The following CCSER1 variants were observed in gnomAD, a reference collection of about 807,000 sequenced individuals.
CCSER1 encodes coiled-coil serine rich protein 1.
A neutral mutation model predicts 82.0 loss-of-function variants in CCSER1; 41 were observed. That is an observed-to-expected ratio of 0.50 (90% CI 0.39 to 0.65). The LOEUF is 0.65. Among genes scored for constraint, CCSER1 ranks in the 30% least tolerant of loss-of-function variants. The probability of loss-of-function intolerance (pLI) is 0.00; values close to 1 mark genes in which losing one functional copy is unlikely to be tolerated. For missense variants in CCSER1, 1,119 were observed against 1,064.2 expected (o/e 1.05, Z -0.72); for synonymous variants, 414 against 383.9 (o/e 1.08, Z -0.92).
chr4:90,543,615 A>C (rs1776375778), intron 5 of CCSER1, among the ~76,000 whole-genome samples: 1 of 152,174 alleles, frequency 6.6e-6, no homozygotes, highest in South Asian at 2.1e-4. Context: ...CCATTGCAGC[A>C]GAGCTGAGGA....
chr4:90,451,959 A>G (rs975938874), intron 4 of CCSER1, among the ~76,000 whole-genome samples: 1 of 152,172 alleles, frequency 6.6e-6, no homozygotes, highest in African/African-American at 2.4e-5. Flanking sequence ...AGATAGTAGC[A>G]TAGACATGGA....
rs1169826777 is a variant in CCSER1, at chr4:90,895,420, A to C, written c.2095-27950A>C. Among the ~76,000 whole-genome samples the C allele has an allele frequency of 5.9e-5, 9 of 152,098 alleles. No individual in the cohort carries two copies. The East Asian group carries it at 1.7e-3, about 29-fold the overall frequency. On this transcript the variant is annotated intron_variant, in intron 8 of 10. Transcript: ENST00000509176. ...AACTTCTGTATTAAAATTGTTTACA[A>C]GAGATTGGTAACATTAGACAACTCA...
chr4:91,572,032 C>T (rs893767044), intron 10 of CCSER1, among the ~76,000 whole-genome samples: 12 of 152,060 alleles, frequency 7.9e-5, no homozygotes, highest in Admixed American at 6.6e-5. Context: ...TTCAATTGCC[C>T]GTTAAGGCTC....
intron 10 of CCSER1, among the ~76,000 whole-genome samples, chr4:91,351,728 A>G (rs1384775180): frequency 6.6e-6 from 1 of 152,148 alleles, no homozygotes; most frequent in African/African-American, 2.4e-5. Flanking sequence ...GCAGAAAACT[A>G]TTTTAAATTA....
At chr4:91,285,058 A>G (rs989880117) in intron 10 of CCSER1, among the ~76,000 whole-genome samples, 1 of 152,038 alleles carries the variant, frequency 6.6e-6, no homozygotes, top group African/African-American at 2.4e-5. Context: ...GGGTTTAGAT[A>G]TATTAAAACT....
chr4:90,733,115 G>A lies in CCSER1; in HGVS notation c.2010+9124G>A, dbSNP rs143756370. ...TCGTGAGGAACCTCCAAGTTGTACT[G>A]CATAGTAATTGTACAAATTTACATT... On this transcript the variant is annotated intron_variant, in intron 7 of 10. Coordinates refer to ENST00000509176, the MANE Select transcript of CCSER1 (RefSeq NM_001145065.2). Among the ~76,000 whole-genome samples the A allele has an allele frequency of 4.5e-3, 692 of 152,220 alleles. 7 individuals carry two copies. Among genetic ancestry groups the A allele is most frequent in the African/African-American group, 0.016 (660 of 41,556 alleles).
At chr4:90,891,316 A>G (rs1043837847) in intron 8 of CCSER1, among the ~76,000 whole-genome samples, 4 of 151,728 alleles carry the variant, frequency 2.6e-5, no homozygotes, top group African/African-American at 9.7e-5. Flanking sequence ...ATATATTTAT[A>G]TAATGTCAAT....
intron 4 of CCSER1, among the ~76,000 whole-genome samples, chr4:90,440,376 C>G (rs2153572233): frequency 6.6e-6 from 1 of 152,258 alleles, no homozygotes; most frequent in Non-Finnish European, 1.5e-5. Context: ...CAAAGAGAGA[C>G]TCTCTAAAAG....
chr4:91,478,892 T>C (rs1757735840), intron 10 of CCSER1, among the ~76,000 whole-genome samples: 1 of 151,870 alleles, frequency 6.6e-6, no homozygotes. Flanking sequence ...AGATTTTTAA[T>C]TTACTCTGTA....
At chr4:90,651,466 A>G (rs1233006512) in intron 6 of CCSER1, among the ~76,000 whole-genome samples, 1 of 152,070 alleles carries the variant, frequency 6.6e-6, no homozygotes, top group Non-Finnish European at 1.5e-5. Flanking sequence ...ACACGTTCTC[A>G]CTCATAAGTA....
chr4:90,992,027 G>A (rs1237754354), intron 9 of CCSER1, among the ~76,000 whole-genome samples: 1 of 151,992 alleles, frequency 6.6e-6, no homozygotes, highest in African/African-American at 2.4e-5. Context: ...TCATCTTAAA[G>A]CTTTTCTTAT....
chr4:90,148,426 A>G (rs1273370637), intron 1 of CCSER1, among the ~76,000 whole-genome samples: 1 of 152,168 alleles, frequency 6.6e-6, no homozygotes, highest in African/African-American at 2.4e-5. Context: ...CATTGTTAGT[A>G]TACTTGGATT....
intron 6 of CCSER1, among the ~76,000 whole-genome samples, chr4:90,720,131 T>C (rs1427438011): frequency 6.6e-6 from 1 of 152,144 alleles, no homozygotes; most frequent in Non-Finnish European, 1.5e-5. Context: ...TTGTTCTTTG[T>C]CTCTTTGGCA....
intron 5 of CCSER1, among the ~76,000 whole-genome samples, chr4:90,580,774 T>C (rs1009820884): frequency 6.6e-6 from 1 of 152,200 alleles, no homozygotes; most frequent in Non-Finnish European, 1.5e-5. Flanking sequence ...CTCTTTACAT[T>C]TCTTGTTCTT....
intron 4 of CCSER1, among the ~76,000 whole-genome samples, chr4:90,438,946 A>G (rs1286665333): frequency 1.3e-5 from 2 of 152,152 alleles, no homozygotes; most frequent in Non-Finnish European, 2.9e-5. Flanking sequence ...AGCACTTTTT[A>G]TACTATTTGT....
intron 1 of CCSER1, among the ~76,000 whole-genome samples, chr4:90,213,687 T>C (rs1740467833): frequency 6.6e-6 from 1 of 152,178 alleles, no homozygotes; most frequent in South Asian, 2.1e-4. Flanking sequence ...GAGTTTGTTG[T>C]ACTCGACGCC....
intron 8 of CCSER1, among the ~76,000 whole-genome samples, chr4:90,919,976 T>C (rs1481500928): frequency 6.6e-6 from 1 of 151,976 alleles, no homozygotes; most frequent in African/African-American, 2.4e-5. Flanking sequence ...GACAATTAGG[T>C]ATTTTGTCAG....
At chr4:90,654,486 A>C (rs1274477087) in intron 6 of CCSER1, among the ~76,000 whole-genome samples, 1 of 152,104 alleles carries the variant, frequency 6.6e-6, no homozygotes, top group Non-Finnish European at 1.5e-5. Flanking sequence ...ATAAATGTTA[A>C]ACATACATTT....
At chr4:90,879,670 A>C (rs1443455726) in intron 8 of CCSER1, among the ~76,000 whole-genome samples, 1 of 152,020 alleles carries the variant, frequency 6.6e-6, no homozygotes, top group African/African-American at 2.4e-5. Context: ...GGAAAGAAGA[A>C]GAAGAAAGAA....
Sources: allele counts gnomAD v4.1 joint callset (sites outside exome capture counted in the v4.1 genomes callset), GRCh38; gene constraint gnomAD v4.1.1; transcripts MANE v1.5; gene names NCBI Gene and HGNC (gene_info 2026-07-23, HGNC 2026-07-21).